The following SEC24B variants were observed in gnomAD, a reference collection of about 807,000 sequenced individuals.
The protein encoded by SEC24B is protein transport protein Sec24B.
A neutral mutation model predicts 142.8 loss-of-function variants in SEC24B; 45 were observed. That is an observed-to-expected ratio of 0.32 (90% CI 0.25 to 0.40). The LOEUF is 0.40. Among genes scored for constraint, SEC24B ranks in the 10% least tolerant of loss-of-function variants. The pLI is 1.00. For missense variants in SEC24B, 1,409 were observed against 1,526.8 expected (o/e 0.92, Z 1.29); for synonymous variants, 574 against 568.2 (o/e 1.01, Z -0.15).
chr4:109,446,164 A>G (rs1367058580), intron 1 of SEC24B, among the ~76,000 whole-genome samples: 2 of 152,192 alleles, frequency 1.3e-5, no homozygotes, highest in Admixed American at 1.3e-4. Flanking sequence ...CCTTTGCAGC[A>G]GTGATTAAGT....
At chr4:109,527,218 CAAAAA>C (rs71594190) in intron 17 of SEC24B, 99 bp from the exon 18 acceptor site, 2 of 650,878 alleles carry the variant, frequency 3.1e-6, no homozygotes. Context: ...GACTCCGTCT[CAAAAA>C]AAAAAAAAAG....
chr4:109,455,649 G>A (rs527286174), intron 1 of SEC24B, among the ~76,000 whole-genome samples: 1 of 152,002 alleles, frequency 6.6e-6, no homozygotes. Context: ...TTTGTTGAAA[G>A]AACTATCTTT....
In SEC24B at chr4:109,518,522, A is replaced by G. The variant is rs143400624; in HGVS notation, c.2127-1844A>G. Among the ~76,000 whole-genome samples, 477 of 152,282 alleles carry G rather than the reference A, an allele frequency of 3.1e-3. 4 individuals are homozygous for G. Among genetic ancestry groups the G allele is most frequent in the African/African-American group, 0.01 (430 of 41,564 alleles). ...GCTTGAAGAGTCCTTGCCCTGTTGA[A>G]TGCTACTTCTAGTCACCATAGTCTT... On this transcript the variant is annotated intron_variant, in intron 11 of 23. Coordinates refer to ENST00000265175, the MANE Select transcript of SEC24B (RefSeq NM_006323.5).
At chr4:109,483,744 T>G (rs923733523) in intron 4 of SEC24B, among the ~76,000 whole-genome samples, 1 of 152,234 alleles carries the variant, frequency 6.6e-6, no homozygotes, top group Admixed American at 6.5e-5. Flanking sequence ...TGGGAAATAA[T>G]TTTTCTTACT....
chr4:109,487,117 A>T (rs1734440931), intron 4 of SEC24B, among the ~76,000 whole-genome samples: 1 of 150,660 alleles, frequency 6.6e-6, no homozygotes, highest in South Asian at 2.1e-4. Flanking sequence ...GTGAGCTGAG[A>T]TCACGCCACT....
chr4:109,504,604 A>G (rs1736498392), intron 6 of SEC24B, among the ~76,000 whole-genome samples: 1 of 152,154 alleles, frequency 6.6e-6, no homozygotes, highest in African/African-American at 2.4e-5. Context: ...TTATTTAGTT[A>G]GGCCATAATA....
At chr4:109,534,279 G>GT (rs11392714) in intron 22 of SEC24B, among the ~76,000 whole-genome samples, 30,894 of 147,344 alleles carry the variant, frequency 0.21, 7,766 homozygotes, top group African/African-American at 0.61. Context: ...AATATTTGTG[G>GT]TTTTTTTTTT....
In SEC24B at chr4:109,524,859, A is replaced by G; in HGVS notation, c.2550A>G (p.Lys850=). The G allele has an allele frequency of 6.2e-7, 1 of 1,612,490 alleles. No homozygotes were observed. Among genetic ancestry groups the G allele is most frequent in the Non-Finnish European group, 8.5e-7 (1 of 1,179,124 alleles). The change falls in exon 15 of 24, where the codon AAA becomes AAG. Residue 850 remains lysine (K), a synonymous_variant. Transcript: ENST00000265175. ...GCCCTGCAACTGATTTTTATAAGAA[A>G]CTTGCATTAGATTGCTCGGGACAGC... ...HLGPATDFYK[K]LALDCSGQQT... is the part of the protein sequence containing the mutation.
intron 2 of SEC24B, among the ~76,000 whole-genome samples, chr4:109,467,336 A>G (rs1362348163): frequency 2.0e-5 from 3 of 150,564 alleles, no homozygotes; most frequent in Non-Finnish European, 4.4e-5. Context: ...AAAAAAAAAA[A>G]AAAAAAAAAA....
intron 11 of SEC24B, among the ~76,000 whole-genome samples, chr4:109,518,803 CTTT>C (rs770507485): frequency 8.5e-6 from 1 of 117,886 alleles, no homozygotes; most frequent in Admixed American, 8.5e-5. Flanking sequence ...ATGTTTCTGT[CTTT>C]TTTTTTTTTT....
chr4:109,491,841 T>A (rs1403994152), intron 5 of SEC24B, among the ~76,000 whole-genome samples: 1 of 152,180 alleles, frequency 6.6e-6, no homozygotes, highest in Non-Finnish European at 1.5e-5. Flanking sequence ...TACCTTCAAC[T>A]TGGGGGTAGG....
In SEC24B at chr4:109,447,086, GC is replaced by G. The variant is rs371220229; in HGVS notation, c.133+13085del. On this transcript the variant is annotated intron_variant, in intron 1 of 23. Coordinates refer to ENST00000265175, the MANE Select transcript of SEC24B (RefSeq NM_006323.5). The stretch of plus-strand genomic sequence containing the variant: ...TTAGAGAATGTTTTCCTAGAGAAGA[GC>G]TGAGCTGAGATCTGAAGAATAAGTT... 2.0e-4 allele frequency among the ~76,000 whole-genome samples: 30 copies of G among 152,306 alleles called. No homozygotes were observed. The South Asian group carries it at 6.0e-3, about 31-fold the overall frequency.
intron 3 of SEC24B, among the ~76,000 whole-genome samples, chr4:109,480,237 A>G (rs1320197871): frequency 6.6e-6 from 1 of 151,734 alleles, no homozygotes; most frequent in Non-Finnish European, 1.5e-5. Context: ...TCTAGTGATG[A>G]GTTGTTTATC....
At chr4:109,529,946 C>T (rs1215025780) in intron 18 of SEC24B, among the ~76,000 whole-genome samples, 1 of 152,134 alleles carries the variant, frequency 6.6e-6, no homozygotes, top group Non-Finnish European at 1.5e-5. Flanking sequence ...GTTGCCTAAT[C>T]TGGTCATGAA....
intron 6 of SEC24B, among the ~76,000 whole-genome samples, chr4:109,503,299 C>G (rs1002773333): frequency 5.3e-5 from 8 of 151,652 alleles, no homozygotes; most frequent in Non-Finnish European, 1.2e-4. Context: ...TCTCGGCTCA[C>G]TGCAACCTCT....
chr4:109,517,485 T>C (rs1452493011), intron 11 of SEC24B, among the ~76,000 whole-genome samples: 1 of 152,064 alleles, frequency 6.6e-6, no homozygotes, highest in Non-Finnish European at 1.5e-5. Flanking sequence ...CTAGCCAAAG[T>C]GTAAAAGATA....
Position 109,506,444 on chromosome 4 carries a change from T to A in SEC24B, c.1605T>A (p.Pro535=), listed in dbSNP as rs1483442294. The change falls in exon 7 of 24, where the codon CCT becomes CCA. Residue 535 remains proline (P), a synonymous_variant. Coordinates refer to ENST00000265175, the MANE Select transcript of SEC24B (RefSeq NM_006323.5). ...VNLTQERNIL[P]MTPVWAPVPN... Reference sequence around the variant, plus strand: ...TTACTCAGGAGAGGAATATTTTACCTATGACTCCTGTTTGGGCTCCTGTAC... The same window carrying A: ...TTACTCAGGAGAGGAATATTTTACCAATGACTCCTGTTTGGGCTCCTGTAC... The A allele has an allele frequency of 6.2e-7, 1 of 1,609,896 alleles. No individual in the cohort carries two copies. The highest frequency in any genetic ancestry group is 1.7e-5 in the Admixed American group (1 of 59,646).
intron 1 of SEC24B, among the ~76,000 whole-genome samples, chr4:109,449,857 G>C (rs35359830): frequency 6.6e-6 from 1 of 151,964 alleles, no homozygotes; most frequent in Admixed American, 6.5e-5. Flanking sequence ...TCCTCTGTGA[G>C]GTTATTTTTT....
chr4:109,530,948 A>G (rs1724863591), intron 19 of SEC24B, among the ~76,000 whole-genome samples: 1 of 151,766 alleles, frequency 6.6e-6, no homozygotes, highest in Non-Finnish European at 1.5e-5. Context: ...ATGAAGGTAT[A>G]CAAATACATG....
Sources: allele counts gnomAD v4.1 joint callset (sites outside exome capture counted in the v4.1 genomes callset), GRCh38; gene constraint gnomAD v4.1.1; transcripts MANE v1.5; gene names NCBI Gene and HGNC (gene_info 2026-07-23, HGNC 2026-07-21).